The following SYN3 variants were observed in gnomAD, a reference collection of about 807,000 sequenced individuals.
The protein encoded by SYN3 is synapsin III.
A neutral mutation model predicts 65.8 loss-of-function variants in SYN3; 35 were observed. The ratio of observed to expected loss-of-function variants is 0.53; its 90% CI spans 0.41 to 0.70. SYN3 has a LOEUF of 0.70. Ranked by LOEUF, SYN3 falls within the 30% of genes least tolerant of loss-of-function variation. The pLI is 0.00. For missense variants in SYN3, 680 were observed against 749.0 expected (o/e 0.91, Z 1.08); for synonymous variants, 270 against 292.9 (o/e 0.92, Z 0.80).
chr22:32,989,444 C>G (rs1257528592), intron 2 of SYN3, among the ~76,000 whole-genome samples: 1 of 152,174 alleles, frequency 6.6e-6, no homozygotes, highest in Non-Finnish European at 1.5e-5. Flanking sequence ...CTGCCTTGCT[C>G]TAAATGAAAC....
At chr22:32,758,208 T>A (rs2045351644) in intron 6 of SYN3, among the ~76,000 whole-genome samples, 1 of 152,196 alleles carries the variant, frequency 6.6e-6, no homozygotes, top group South Asian at 2.1e-4. Context: ...ATAGTTGTAT[T>A]ATGTTAGGCA....
chr22:32,952,686 T>TC (rs1308475876), intron 3 of SYN3, among the ~76,000 whole-genome samples: 4 of 152,132 alleles, frequency 2.6e-5, no homozygotes, highest in Non-Finnish European at 5.9e-5. Flanking sequence ...GCCCACGAGT[T>TC]CAAGGCTGCA....
At chr22:32,604,836 T>C (rs2059346361) in intron 6 of SYN3, among the ~76,000 whole-genome samples, 1 of 150,668 alleles carries the variant, frequency 6.6e-6, no homozygotes, top group South Asian at 2.1e-4. Flanking sequence ...AAACCCACTC[T>C]CTACTAAAAA....
rs2057719228 is a variant in SYN3 at position 32,513,539 on chromosome 22, TATAG to T, written c.*149_*152del. ...CACGGTGAAGGAAAATGGGAACAAA[TATAG>T]ATAATCGGTTCCTGGGTCAAAGGCA... On this transcript the variant is annotated 3_prime_UTR_variant, in exon 14 of 14. Transcript: ENST00000358763. The T allele has an allele frequency of 9.6e-7, 1 of 1,044,632 alleles. No individual in the cohort carries two copies. Among genetic ancestry groups the T allele is most frequent in the Non-Finnish European group, 1.4e-6 (1 of 731,532 alleles). The allele number at this position is 1,044,632 out of a possible 1,614,324, so 64.7% of individuals were successfully genotyped here.
intron 6 of SYN3, among the ~76,000 whole-genome samples, chr22:32,704,700 C>A (rs2060856627): frequency 6.6e-6 from 1 of 152,222 alleles, no homozygotes; most frequent in Non-Finnish European, 1.5e-5. Context: ...TATAAGTGTC[C>A]TGCACAACCT....
intron 6 of SYN3, among the ~76,000 whole-genome samples, chr22:32,686,833 G>A (rs2147136405): frequency 6.6e-6 from 1 of 152,154 alleles, no homozygotes; most frequent in African/African-American, 2.4e-5. Flanking sequence ...GACCTCAGGT[G>A]ATCCGCCTGC....
chr22:32,594,740 G>A (rs144617362), intron 7 of SYN3, among the ~76,000 whole-genome samples: 133 of 152,158 alleles, frequency 8.7e-4, no homozygotes, highest in African/African-American at 3.0e-3. Flanking sequence ...CACCCTCTTT[G>A]GCCTCCCAAA....
At chr22:32,864,000 G>T (rs1291866602) in intron 6 of SYN3, among the ~76,000 whole-genome samples, 1 of 152,180 alleles carries the variant, frequency 6.6e-6, no homozygotes, top group African/African-American at 2.4e-5. Context: ...ACAGGGGAAA[G>T]ATCATCAATA....
chr22:32,729,757 T>G (rs2061245570), intron 6 of SYN3, among the ~76,000 whole-genome samples: 2 of 152,250 alleles, frequency 1.3e-5, no homozygotes, highest in Admixed American at 1.3e-4. Flanking sequence ...ATTTTCACTG[T>G]GCTTCACTAG....
chr22:32,994,074 C>T (rs2052805348), intron 2 of SYN3, among the ~76,000 whole-genome samples: 1 of 152,266 alleles, frequency 6.6e-6, no homozygotes, highest in East Asian at 1.9e-4. Flanking sequence ...GGCACCGGGC[C>T]GCTGGATTGG....
chr22:32,801,833 C>A lies in SYN3; in HGVS notation c.711+63082G>T, dbSNP rs2046590620. The stretch of plus-strand genomic sequence containing the variant: ...CGCCAGCGCCGAGGCAGCCTCGCTG[C>A]GCCCCATCCCGTCCCGCCGGGCACT... On this transcript the variant is annotated intron_variant, in intron 6 of 13. Coordinates refer to ENST00000358763, the MANE Select transcript of SYN3 (RefSeq NM_003490.4). The surrounding 1 kb of genome is among the most constrained non-coding windows in gnomAD (Gnocchi z 4.7). The A allele has an allele frequency of 3.9e-6, 3 of 779,032 alleles. No homozygotes were observed. The South Asian group carries it at 1.7e-4, about 45-fold the overall frequency. 48.3% of individuals were successfully genotyped at this position (779,032 alleles called of 1,614,324 possible).
chr22:32,977,956 T>C (rs1036304384), intron 3 of SYN3, among the ~76,000 whole-genome samples: 1 of 151,868 alleles, frequency 6.6e-6, no homozygotes, highest in East Asian at 1.9e-4. Context: ...GAAACTCAGA[T>C]AAGGGCCAGG....
At chr22:32,663,017 AAGGT>A (rs925045591) in intron 6 of SYN3, among the ~76,000 whole-genome samples, 18 of 152,272 alleles carry the variant, frequency 1.2e-4, no homozygotes, top group Admixed American at 3.3e-4. Flanking sequence ...AAAAAAGAAA[AAGGT>A]AGGCCAATTC....
At chr22:32,946,709 T>TTA (rs2051124332) in intron 3 of SYN3, among the ~76,000 whole-genome samples, 2 of 152,160 alleles carry the variant, frequency 1.3e-5, no homozygotes, top group South Asian at 4.1e-4. Flanking sequence ...CTTTTTTCCC[T>TTA]TATTTTTAAC....
chr22:32,595,981 G>C (rs1295832915), intron 7 of SYN3, among the ~76,000 whole-genome samples: 1 of 152,192 alleles, frequency 6.6e-6, no homozygotes. Context: ...GGAGGCTGAG[G>C]CATGATAATC....
intron 7 of SYN3, among the ~76,000 whole-genome samples, chr22:32,578,737 C>G (rs977396440): frequency 6.6e-6 from 1 of 152,126 alleles, no homozygotes; most frequent in East Asian, 1.9e-4. Flanking sequence ...AATCAGGTGG[C>G]AAGACAAAAT....
At position 32,989,558 on chromosome 22, in the gene SYN3, G is replaced by C. The variant is rs142546702; in HGVS notation, c.312-8856C>G. Among the ~76,000 whole-genome samples, 367 of 152,274 alleles carry C rather than the reference G, an allele frequency of 2.4e-3. 10 individuals are homozygous for C. The highest frequency in any genetic ancestry group is 0.019 in the Admixed American group (298 of 15,290). On this transcript the variant is annotated intron_variant, in intron 2 of 13. Transcript: ENST00000358763. Reference sequence around the variant, plus strand: ...AGGGTAAATAAAGTCATCAGGGCCGGGCACGGTGGCTTATGCCTGTAATCC... The same window carrying C: ...AGGGTAAATAAAGTCATCAGGGCCGCGCACGGTGGCTTATGCCTGTAATCC...
At chr22:33,014,735 G>A (rs1483339159) in intron 1 of SYN3, among the ~76,000 whole-genome samples, 1 of 152,132 alleles carries the variant, frequency 6.6e-6, no homozygotes, top group East Asian at 1.9e-4. Context: ...AGCCGAAATC[G>A]CGCCATTGCA....
intron 6 of SYN3, among the ~76,000 whole-genome samples, chr22:32,863,447 T>C (rs549847677): frequency 6.6e-6 from 1 of 152,284 alleles, no homozygotes; most frequent in African/African-American, 2.4e-5. Context: ...AACTGCCTGC[T>C]TGAAATTCCA....
Sources: gnomAD v4.1 joint callset for allele counts (sites outside exome capture counted in the v4.1 genomes callset) on GRCh38, gnomAD v4.1.1 for gene constraint, Gnocchi (gnomAD v3.1) non-coding constraint, MANE v1.5 for transcripts, NCBI Gene and HGNC (gene_info 2026-07-23, HGNC 2026-07-21) for gene names.